The following NANS variants were observed in gnomAD, a reference collection of about 807,000 sequenced individuals.
NANS encodes the protein N-acetylneuraminate-9-phosphate synthase.
Under a neutral mutation model 33.3 loss-of-function variants are expected in NANS, and 29 were observed. The ratio of observed to expected loss-of-function variants is 0.87; its 90% CI spans 0.65 to 1.19. The LOEUF (loss-of-function observed/expected upper bound fraction) is 1.19. NANS is among the 50% of genes most tolerant of loss of function. NANS has a pLI of 0.00. For missense variants in NANS, 394 were observed against 461.1 expected (o/e 0.85, Z 1.33); for synonymous variants, 163 against 177.2 (o/e 0.92, Z 0.64).
chr9:98,080,831 T>C lies in NANS; in HGVS notation c.619T>C (p.Phe207Leu). The change falls in exon 5 of 6, where the codon TTT (phenylalanine) becomes CTT (leucine). Residue 207 changes from phenylalanine to leucine, a missense_variant. Coordinates refer to ENST00000210444, the MANE Select transcript of NANS (RefSeq NM_018946.4). ...CATTTTAAAGGAATATCAGAAGCTCTTTCCTGACATTCCCATAGGGTATTC... is the reference window on the plus strand; with the variant it reads ...CATTTTAAAGGAATATCAGAAGCTCCTTCCTGACATTCCCATAGGGTATTC... Reference protein sequence around the residue: ...LRVISEYQKLFPDIPIGYSGH... With the variant: ...LRVISEYQKLLPDIPIGYSGH... The C allele has an allele frequency of 1.3e-6, 2 of 1,583,968 alleles. No homozygotes were observed. The highest frequency in any genetic ancestry group is 1.7e-6 in the Non-Finnish European group (2 of 1,161,680).
Position 98,081,081 on chromosome 9 carries a change from A to G in NANS, c.869A>G (p.Lys290Arg), listed in dbSNP as rs777077037. Residue 290 changes from lysine to arginine, a missense_variant and splice_region_variant, in exon 5 of 6, where the codon AAG (lysine) becomes AGG (arginine). Lys to Arg is a conservative substitution (Grantham distance 26). Coordinates refer to ENST00000210444, the MANE Select transcript of NANS (RefSeq NM_018946.4). ...LLPCEMACNEKLGKSVVAKVK... is the reference protein window; with the variant it reads ...LLPCEMACNERLGKSVVAKVK... ...CCCTGTGAGATGGCCTGCAATGAGA[A>G]GGTGTGTCCTGCCGGACTCTACTCG... is the stretch of plus-strand genomic sequence containing the variant. 1 of 1,614,102 alleles carries G rather than the reference A, an allele frequency of 6.2e-7. No individual in the cohort carries two copies. The highest frequency in any genetic ancestry group is 1.1e-5 in the South Asian group (1 of 91,076).
chr9:98,069,279 T>C (rs914060389), intron 2 of NANS: 6 of 149,342 alleles, frequency 4.0e-5, no homozygotes, highest in Non-Finnish European at 8.8e-5. Context: ...GAACTATTTT[T>C]CTTTTTTTTT....
At chr9:98,064,802 C>T (rs549644497) in intron 2 of NANS, among the ~76,000 whole-genome samples, 4 of 152,300 alleles carry the variant, frequency 2.6e-5, no homozygotes, top group African/African-American at 7.2e-5. Flanking sequence ...CTTCCCAGAG[C>T]GTAGACTCCC....
chr9:98,079,051 A>C (rs1457788661), intron 4 of NANS, among the ~76,000 whole-genome samples: 2 of 152,116 alleles, frequency 1.3e-5, no homozygotes, highest in African/African-American at 4.8e-5. Flanking sequence ...CCTGAGGCTC[A>C]TACTAGTTAT....
At chr9:98,082,325 C>A (rs1829906246) in intron 5 of NANS, among the ~76,000 whole-genome samples, 1 of 152,170 alleles carries the variant, frequency 6.6e-6, no homozygotes, top group Non-Finnish European at 1.5e-5. Flanking sequence ...TTAAGAATCT[C>A]ATCCCTATGT....
chr9:98,067,195 T>C (rs539219204), intron 2 of NANS, among the ~76,000 whole-genome samples: 1 of 152,354 alleles, frequency 6.6e-6, no homozygotes, highest in East Asian at 1.9e-4. Context: ...CTTTGGCTGT[T>C]ATGAATAATG....
intron 3 of NANS, 28 bp downstream of exon 3, chr9:98,077,045 C>T (rs768207424): frequency 5.9e-6 from 9 of 1,534,956 alleles, no homozygotes; most frequent in Non-Finnish European, 7.2e-6. Flanking sequence ...GACTTAAAAT[C>T]GAAGGGAGTC....
At chr9:98,065,019 T>A (rs1829095089) in intron 2 of NANS, among the ~76,000 whole-genome samples, 1 of 152,212 alleles carries the variant, frequency 6.6e-6, no homozygotes. Context: ...GGCAGGGGCC[T>A]CACTCTGCAT....
intron 2 of NANS, among the ~76,000 whole-genome samples, chr9:98,063,083 C>T (rs957816579): frequency 6.6e-6 from 1 of 151,514 alleles, no homozygotes; most frequent in Non-Finnish European, 1.5e-5. Flanking sequence ...CACCACCAGG[C>T]CTGGCTGATT....
In NANS at chr9:98,061,015, C is replaced by T. The variant is rs372811085; in HGVS notation, c.348+18C>T. ...TGGATGAGGTGAGTCCTCTGCTGCT[C>T]TGTCATTTGTCACTTTAGCAGACCA... On this transcript the variant is annotated intron_variant, in intron 2 of 5. Coordinates refer to ENST00000210444, the MANE Select transcript of NANS (RefSeq NM_018946.4). The T allele has an allele frequency of 1.1e-4, 185 of 1,611,420 alleles. 1 individual carries two copies. The African/African-American group carries it at 1.4e-3, about 12-fold the overall frequency.
At chr9:98,073,011 G>T (rs924829761) in intron 2 of NANS, among the ~76,000 whole-genome samples, 3 of 152,146 alleles carry the variant, frequency 2.0e-5, no homozygotes, top group Non-Finnish European at 4.4e-5. Context: ...GAACTCAGGT[G>T]AAACAGCAGA....
chr9:98,067,847 A>G (rs10984930), intron 2 of NANS, among the ~76,000 whole-genome samples: 9,403 of 151,900 alleles, frequency 0.062, 427 homozygotes, highest in Admixed American at 0.12. Context: ...TCAGCCTCCT[A>G]AGTAGCTAGG....
chr9:98,082,788 A>G (rs938296039), intron 5 of NANS, 58 bp from the exon 6 acceptor site: 1 of 1,527,316 alleles, frequency 6.5e-7, no homozygotes, highest in African/African-American at 1.4e-5. Context: ...TGTAAAGTAA[A>G]GTAGTGTGCA....
At chr9:98,067,195 TATGA>T (rs1347159459) in intron 2 of NANS, among the ~76,000 whole-genome samples, 1 of 152,236 alleles carries the variant, frequency 6.6e-6, no homozygotes, top group Non-Finnish European at 1.5e-5. Context: ...CTTTGGCTGT[TATGA>T]ATAATGCTGC....
chr9:98,066,653 A>ATTT (rs35815359), intron 2 of NANS, among the ~76,000 whole-genome samples: 11 of 143,518 alleles, frequency 7.7e-5, no homozygotes, highest in East Asian at 2.0e-4. Flanking sequence ...CCACTTACCG[A>ATTT]TTTTTTTTTT....
At chr9:98,075,824 G>A (rs1778413529) in intron 2 of NANS, 1 of 152,224 alleles carries the variant, frequency 6.6e-6, no homozygotes. Context: ...GCAGTTTTTA[G>A]TATATCAATT....
chr9:98,068,280 G>A (rs182841760), intron 2 of NANS, among the ~76,000 whole-genome samples: 14 of 151,816 alleles, frequency 9.2e-5, no homozygotes, highest in Admixed American at 8.5e-4. Flanking sequence ...GATTACAGGC[G>A]CACACCACCA....
chr9:98,080,659 TC>T (rs1247651199), intron 4 of NANS, among the ~76,000 whole-genome samples, 156 bp from the exon 5 acceptor site: 1 of 152,234 alleles, frequency 6.6e-6, no homozygotes, highest in Non-Finnish European at 1.5e-5. Flanking sequence ...ATTATTATCA[TC>T]CCTAGGAAAG....
At position 98,060,896 on chromosome 9, in the gene NANS, G is replaced by A. The variant is rs1166490317; in HGVS notation, c.247G>A (p.Glu83Lys). 2 of 1,614,190 alleles carry A rather than the reference G, an allele frequency of 1.2e-6. No individual in the cohort carries two copies. Among genetic ancestry groups the A allele is most frequent in the Non-Finnish European group, 1.7e-6 (2 of 1,180,034 alleles). Residue 83 changes from glutamate (E) to lysine (K), a missense_variant, in exon 2 of 6, where the codon GAG (glutamate) becomes AAG (lysine). Physicochemically the swap from Glu to Lys is moderately conservative, Grantham distance 56. Coordinates refer to ENST00000210444, the MANE Select transcript of NANS (RefSeq NM_018946.4). Reference sequence around the variant, plus strand: ...GCATTCCTGGGGGAAGACGTACGGGGAGCACAAACGACATCTGGAGTTCAG... The same window carrying A: ...GCATTCCTGGGGGAAGACGTACGGGAAGCACAAACGACATCTGGAGTTCAG... ...SKHSWGKTYG[E>K]HKRHLEFSHD...
Sources: gnomAD v4.1 joint callset for allele counts (sites outside exome capture counted in the v4.1 genomes callset) on GRCh38, gnomAD v4.1.1 for gene constraint, MANE v1.5 for transcripts, NCBI Gene and HGNC (gene_info 2026-07-23, HGNC 2026-07-21) for gene names.